MYRFL: variants seen among roughly 807,000 people sequenced by gnomAD.
MYRFL encodes myelin regulatory factor like.
Under a neutral mutation model 109.4 loss-of-function variants are expected in MYRFL, and 88 were observed. The observed-to-expected ratio is 0.80, with a 90% CI of 0.68 to 0.96. The LOEUF is 0.96. Among genes scored for constraint, MYRFL ranks in the 40% least tolerant of loss-of-function variants. MYRFL has a pLI of 0.00. For synonymous variants in MYRFL, 324 were observed against 320.9 expected (o/e 1.01, Z -0.10); for missense variants, 957 against 954.9 (o/e 1.00, Z -0.03).
chr12:69,938,664 A>G (rs578205297), intron 19 of MYRFL, among the ~76,000 whole-genome samples: 1 of 152,316 alleles, frequency 6.6e-6, no homozygotes, highest in Admixed American at 6.5e-5. Flanking sequence ...GTAAAAAAAA[A>G]TTTTAAATAA....
chr12:69,940,104 T>G (rs562798232), intron 19 of MYRFL, among the ~76,000 whole-genome samples: 2 of 151,784 alleles, frequency 1.3e-5, no homozygotes, highest in East Asian at 3.9e-4. Context: ...ATGGGGAGAA[T>G]GGAACCAAGT....
At chr12:69,869,701 T>C (rs762620576) in intron 2 of MYRFL, among the ~76,000 whole-genome samples, 14 of 152,144 alleles carry the variant, frequency 9.2e-5, no homozygotes, top group Non-Finnish European at 1.9e-4. Context: ...GAGGGATTCA[T>C]TGGAGAAAAC....
intron 19 of MYRFL, 47 bp downstream of exon 19, chr12:69,936,679 T>G: frequency 7.0e-7 from 1 of 1,421,922 alleles, no homozygotes; most frequent in Admixed American, 2.8e-5. Context: ...AACTTGAGGT[T>G]GTTTTTCTTG....
intron 10 of MYRFL, among the ~76,000 whole-genome samples, chr12:69,902,171 G>A (rs760569405): frequency 6.6e-6 from 1 of 152,056 alleles, no homozygotes; most frequent in Admixed American, 6.6e-5. Flanking sequence ...TGGGATTACA[G>A]GTGTGAGCCA....
At chr12:69,949,794 C>T (rs1955932346) in intron 19 of MYRFL, among the ~76,000 whole-genome samples, 1 of 152,022 alleles carries the variant, frequency 6.6e-6, no homozygotes, top group Non-Finnish European at 1.5e-5. Context: ...CAATTTTTTT[C>T]CTACATGGAT....
At chr12:69,848,553 T>G (rs190119727) in intron 1 of MYRFL, among the ~76,000 whole-genome samples, 121 of 152,294 alleles carry the variant, frequency 7.9e-4, no homozygotes, top group African/African-American at 2.9e-3. Context: ...AGCTGTTGTT[T>G]GAATATAGAA....
chr12:69,885,094 G>A (rs1886362420), intron 5 of MYRFL, among the ~76,000 whole-genome samples: 1 of 152,194 alleles, frequency 6.6e-6, no homozygotes, highest in Non-Finnish European at 1.5e-5. Context: ...GATAACCATA[G>A]AAGGGTTTCT....
chr12:69,877,238 T>A (rs1423190198), intron 2 of MYRFL, among the ~76,000 whole-genome samples: 1 of 151,968 alleles, frequency 6.6e-6, no homozygotes, highest in Non-Finnish European at 1.5e-5. Flanking sequence ...TTAGGTGGGA[T>A]GCCCTCGATC....
chr12:69,902,000 C>T (rs118180728), intron 10 of MYRFL, among the ~76,000 whole-genome samples: 47,791 of 151,216 alleles, frequency 0.32, 7,842 homozygotes, highest in African/African-American at 0.36. Context: ...TTAAAGTGAT[C>T]CTCCTGACTC....
At chr12:69,936,072 CATA>C in intron 16 of MYRFL, 38 bp from the exon 17 acceptor site, 1 of 1,403,238 alleles carries the variant, frequency 7.1e-7, no homozygotes, top group Non-Finnish European at 9.3e-7. Context: ...AAATCTGCCA[CATA>C]ATGTTTTTTT....
chr12:69,918,514 T>G (rs1332420606), intron 13 of MYRFL, among the ~76,000 whole-genome samples: 1 of 152,070 alleles, frequency 6.6e-6, no homozygotes, highest in Non-Finnish European at 1.5e-5. Flanking sequence ...AGGAGTGGGG[T>G]GCAGGATACA....
intron 14 of MYRFL, 50 bp downstream of exon 14, chr12:69,926,784 G>T: frequency 7.6e-7 from 1 of 1,321,588 alleles, no homozygotes; most frequent in South Asian, 2.3e-5. Flanking sequence ...GAGAGAGTGA[G>T]CTCTTTCCAG....
rs114763861 is a variant in MYRFL, at chr12:69,888,642, G to A, written c.707+1672G>A. On this transcript the variant is annotated intron_variant, in intron 6 of 24. Transcript: ENST00000552032. ...AGTATAACTCTTACTGATTGATTCC[G>A]TTTCTGATTATTGCTGCCCTAAATT... Among the ~76,000 whole-genome samples, 284 of 152,184 alleles carry A rather than the reference G, an allele frequency of 1.9e-3. 3 individuals carry two copies. Among genetic ancestry groups the A allele is most frequent in the African/African-American group, 6.5e-3 (270 of 41,522 alleles).
At chr12:69,951,110 G>T (rs1955962326) in intron 19 of MYRFL, among the ~76,000 whole-genome samples, 1 of 152,224 alleles carries the variant, frequency 6.6e-6, no homozygotes, top group Non-Finnish European at 1.5e-5. Context: ...ATTGATGACT[G>T]CATTGATGGT....
chr12:69,934,136 C>A (rs554875956), intron 16 of MYRFL, among the ~76,000 whole-genome samples: 1 of 152,262 alleles, frequency 6.6e-6, no homozygotes, highest in South Asian at 2.1e-4. Context: ...GGTAGGAGAA[C>A]AAAGAAGGGG....
intron 5 of MYRFL, 139 bp from the exon 6 acceptor site, chr12:69,886,681 C>A: frequency 9.7e-7 from 1 of 1,029,632 alleles, no homozygotes; most frequent in Non-Finnish European, 1.4e-6. Context: ...GTCAGCAACA[C>A]ACCTCCTACC....
At chr12:69,889,491 C>G (rs138701474) in intron 6 of MYRFL, among the ~76,000 whole-genome samples, 440 of 151,912 alleles carry the variant, frequency 2.9e-3, no homozygotes, top group Non-Finnish European at 5.2e-3. Context: ...TTATACTTAC[C>G]CTAATCCAAA....
chr12:69,906,490 T>C (rs1186250193), intron 11 of MYRFL, among the ~76,000 whole-genome samples: 1 of 152,042 alleles, frequency 6.6e-6, no homozygotes, highest in Non-Finnish European at 1.5e-5. Flanking sequence ...ATGAGGAAGT[T>C]GAGAGTTGAA....
chr12:69,902,100 G>T (rs1954214781), intron 10 of MYRFL, among the ~76,000 whole-genome samples: 1 of 151,842 alleles, frequency 6.6e-6, no homozygotes, highest in Non-Finnish European at 1.5e-5. Context: ...CACCATGTTG[G>T]CCAGGCTGGT....
Sources: allele counts gnomAD v4.1 joint callset (sites outside exome capture counted in the v4.1 genomes callset), GRCh38; gene constraint gnomAD v4.1.1; transcripts MANE v1.5; gene names NCBI Gene and HGNC (gene_info 2026-07-23, HGNC 2026-07-21).